The following PDE1A variants were observed in gnomAD, a reference collection of about 807,000 sequenced individuals.
PDE1A encodes phosphodiesterase 1A.
PDE1A carries 35 observed loss-of-function variants against 61.7 expected under a neutral mutation model. That is an observed-to-expected ratio of 0.57 (90% CI 0.43 to 0.75). PDE1A has a LOEUF of 0.75. Ranked by LOEUF, PDE1A falls within the 30% of genes least tolerant of loss-of-function variation. The probability of loss-of-function intolerance (pLI) is 0.00; values close to 1 mark genes in which losing one functional copy is unlikely to be tolerated. For synonymous variants in PDE1A, 232 were observed against 213.2 expected, an observed-to-expected ratio of 1.09 and a Z score of -0.77; for missense variants, 597 against 630.6, an observed-to-expected ratio of 0.95 and a Z score of 0.57.
the PDE1A span, among the ~76,000 whole-genome samples, chr2:182,650,116 C>T: frequency 6.6e-6 from 1 of 151,942 alleles, no homozygotes; most frequent in Non-Finnish European, 1.5e-5. Flanking sequence ...CATCTGCTGC[C>T]AGCAAAAAGA....
chr2:182,369,637 A>G (rs2125234371), intron 1 of PDE1A, among the ~76,000 whole-genome samples: 1 of 152,258 alleles, frequency 6.6e-6, no homozygotes, highest in Admixed American at 6.5e-5. Flanking sequence ...CCTGCAGCAT[A>G]AGTCAAGGAA....
intron 2 of PDE1A, among the ~76,000 whole-genome samples, chr2:182,454,750 C>T (rs1039677683): frequency 2.6e-5 from 4 of 151,974 alleles, no homozygotes; most frequent in African/African-American, 4.8e-5. Flanking sequence ...CTTCCTTACA[C>T]CTTATACAAA....
At chr2:182,214,594 A>G (rs549421017) in intron 7 of PDE1A, among the ~76,000 whole-genome samples, 54 of 151,538 alleles carry the variant, frequency 3.6e-4, no homozygotes, top group African/African-American at 1.3e-3. Context: ...TGGAAAACAA[A>G]AAAAGGCAGG....
chr2:182,241,720 G>T (rs1027217813), intron 2 of PDE1A: 5 of 729,940 alleles, frequency 6.8e-6, no homozygotes, highest in Non-Finnish European at 6.1e-6. Context: ...ATAAACATAA[G>T]TTCTGGAGTC....
chr2:182,149,220 G>C (rs6733603), intron 13 of PDE1A, among the ~76,000 whole-genome samples: 16 of 151,784 alleles, frequency 1.1e-4, no homozygotes, highest in African/African-American at 3.6e-4. Context: ...ATTTTTTAGA[G>C]AACTTTTTAT....
intron 1 of PDE1A, among the ~76,000 whole-genome samples, chr2:182,296,203 G>A (rs1164278343): frequency 1.3e-5 from 2 of 152,130 alleles, no homozygotes; most frequent in Non-Finnish European, 2.9e-5. Context: ...TTTGACATTT[G>A]GGGTTGCTTT....
intron 2 of PDE1A, among the ~76,000 whole-genome samples, chr2:182,459,067 A>G (rs972919145): frequency 2.6e-5 from 4 of 152,148 alleles, no homozygotes; most frequent in African/African-American, 7.2e-5. Flanking sequence ...GAAGTATTTT[A>G]TGATTTTAAT....
chr2:182,516,074 C>T (rs969335410), intron 2 of PDE1A, among the ~76,000 whole-genome samples: 1 of 151,170 alleles, frequency 6.6e-6, no homozygotes, highest in Non-Finnish European at 1.5e-5. Context: ...ATTTTTATTG[C>T]TACTGTAACA....
At chr2:182,233,324 C>A (rs1489174385) in intron 4 of PDE1A, among the ~76,000 whole-genome samples, 1 of 152,066 alleles carries the variant, frequency 6.6e-6, no homozygotes, top group African/African-American at 2.4e-5. Context: ...TGGAATGAAA[C>A]TGTTCCACCT....
chr2:182,558,459 A>T, the PDE1A span, among the ~76,000 whole-genome samples: 2 of 152,170 alleles, frequency 1.3e-5, no homozygotes, highest in Non-Finnish European at 2.9e-5. Context: ...ATAAAACAAA[A>T]TTAAAGCTTT....
chr2:182,527,852 G>A (rs1157233116), upstream of PDE1A, among the ~76,000 whole-genome samples: 2 of 151,984 alleles, frequency 1.3e-5, no homozygotes, highest in South Asian at 2.1e-4. Flanking sequence ...TCATAGTTTT[G>A]TAAGCCTTTT....
intron 2 of PDE1A, among the ~76,000 whole-genome samples, chr2:182,477,224 A>G (rs1175575635): frequency 6.6e-6 from 1 of 151,954 alleles, no homozygotes; most frequent in Non-Finnish European, 1.5e-5. Context: ...TCATATATGT[A>G]GCCTTCCAAT....
chr2:182,192,373 T>C (rs1235995220), intron 10 of PDE1A, among the ~76,000 whole-genome samples: 1 of 152,084 alleles, frequency 6.6e-6, no homozygotes, highest in Non-Finnish European at 1.5e-5. Flanking sequence ...TTAATTTATT[T>C]ATAAATATTT....
chr2:182,350,890 C>A (rs1698836695), intron 1 of PDE1A, among the ~76,000 whole-genome samples: 1 of 152,172 alleles, frequency 6.6e-6, no homozygotes. Flanking sequence ...TCATTACTCC[C>A]TGCCCTATAA....
At chr2:182,690,875 T>C in the PDE1A span, among the ~76,000 whole-genome samples, 2 of 152,170 alleles carry the variant, frequency 1.3e-5, no homozygotes, top group Non-Finnish European at 1.5e-5. Flanking sequence ...AGCATTCTTA[T>C]ACACCAATAA....
chr2:182,454,748 C>A (rs1574699214), intron 2 of PDE1A, among the ~76,000 whole-genome samples: 1 of 151,984 alleles, frequency 6.6e-6, no homozygotes, highest in African/African-American at 2.4e-5. Context: ...CCCTTCCTTA[C>A]ACCTTATACA....
chr2:182,515,713 C>T (rs890184816), intron 2 of PDE1A, among the ~76,000 whole-genome samples: 12 of 152,180 alleles, frequency 7.9e-5, no homozygotes, highest in African/African-American at 2.9e-4. Flanking sequence ...ACATACTGAA[C>T]AACATACAGA....
At chr2:182,447,099 T>C (rs1282511384) in intron 2 of PDE1A, among the ~76,000 whole-genome samples, 2 of 144,424 alleles carry the variant, frequency 1.4e-5, no homozygotes, top group Non-Finnish European at 3.0e-5. Context: ...ATGTTTACTT[T>C]GAGAACTTTT....
At chr2:182,558,411 T>A in the PDE1A span, among the ~76,000 whole-genome samples, 2 of 152,250 alleles carry the variant, frequency 1.3e-5, no homozygotes, top group South Asian at 4.1e-4. Context: ...CTACTCCATA[T>A]CTCTATTTAG....
Sources: allele counts gnomAD v4.1 joint callset (sites outside exome capture counted in the v4.1 genomes callset), GRCh38; gene constraint gnomAD v4.1.1; transcripts MANE v1.5; gene names NCBI Gene and HGNC (gene_info 2026-07-23, HGNC 2026-07-21).